Variants in POLI observed in about 807,000 individuals in gnomAD.
The protein encoded by POLI is DNA polymerase iota.
Under a neutral mutation model 51.6 loss-of-function variants are expected in POLI, and 58 were observed. That is an observed-to-expected ratio of 1.12 (90% CI 0.91 to 1.40). The LOEUF is 1.40. POLI is among the 40% of genes most tolerant of loss of function. The pLI, the probability that POLI is intolerant of heterozygous loss-of-function variation, is 0.00. For missense variants in POLI, 921 were observed against 871.3 expected (o/e 1.06, Z -0.72); for synonymous variants, 322 against 299.7 (o/e 1.07, Z -0.77).
In POLI at chr18:54,294,278, G is replaced by A. The variant is rs1178215492; in HGVS notation, c.2034G>A (p.Lys678=). The change falls in exon 10 of 10, where the codon AAG becomes AAA. Residue 678 remains lysine, a synonymous_variant. Coordinates refer to ENST00000579534, the MANE Select transcript of POLI (RefSeq NM_007195.3). ...GAAACCACACTACAGATAGCCATAAGCAAACAGTAGCAACAGACTCTCATG... is the reference window on the plus strand; with the variant it reads ...GAAACCACACTACAGATAGCCATAAACAAACAGTAGCAACAGACTCTCATG... ...FSRNHTTDSH[K]QTVATDSHEG... 2.5e-6 allele frequency: 4 copies of A among 1,613,512 alleles called. No individual in the cohort carries two copies. In the Admixed American group the frequency reaches 6.7e-5, roughly 27 times the overall value.
Position 54,297,591 on chromosome 18 carries a change from T to G in POLI, c.*3124T>G. On this transcript the variant is annotated 3_prime_UTR_variant, in exon 10 of 10. Coordinates refer to ENST00000579534, the MANE Select transcript of POLI (RefSeq NM_007195.3). ...ATATATTTCTTTTTCTATGTTGTGC[T>G]TCTTTCCCACCTTTATCTCTCCTCC... 1 of 979,802 alleles carries G rather than the reference T, an allele frequency of 1.0e-6. No individual in the cohort carries two copies. Among genetic ancestry groups the G allele is most frequent in the Non-Finnish European group, 1.2e-6 (1 of 825,138 alleles). The allele number at this position is 979,802 out of a possible 1,614,324, so 60.7% of individuals were successfully genotyped here. A position where few individuals can be genotyped will look rare whatever the true frequency, so the allele number is the denominator to read the frequency against.
At chr18:54,278,792 A>G (rs563907275) in intron 4 of POLI, among the ~76,000 whole-genome samples, 13 of 152,316 alleles carry the variant, frequency 8.5e-5, no homozygotes, top group African/African-American at 2.6e-4. Flanking sequence ...TGACTCCCCT[A>G]TCATACCACA....
chr18:54,275,618 C>G (rs940003311), intron 3 of POLI, among the ~76,000 whole-genome samples: 1 of 152,214 alleles, frequency 6.6e-6, no homozygotes, highest in African/African-American at 2.4e-5. Flanking sequence ...TGCCTCCTCT[C>G]ATATTCATCA....
At position 54,269,586 on chromosome 18, in the gene POLI, G is replaced by T. The variant is rs998158002; in HGVS notation, c.40G>T (p.Gly14Cys). The change falls in exon 1 of 10, where the codon GGC becomes TGC. Residue 14 changes from glycine to cysteine, a missense_variant. Transcript: ENST00000579534. ...GGTGGAGCCGGAGGAGGAAGGCGGCGGCGACGACGACGAGGAAGACGCCGA... is the reference window on the plus strand; with the variant it reads ...GGTGGAGCCGGAGGAGGAAGGCGGCTGCGACGACGACGAGGAAGACGCCGA... The part of the protein sequence containing the change: ...LGVEPEEEGG[G>C]DDDEEDAEAW... 1 of 1,415,778 alleles carries T rather than the reference G, an allele frequency of 7.1e-7. No individual in the cohort carries two copies. The highest frequency in any genetic ancestry group is 3.1e-5 in the African/African-American group (1 of 32,744). The allele number at this position is 1,415,778 out of a possible 1,614,324, so 87.7% of individuals were successfully genotyped here. A position where few individuals can be genotyped will look rare whatever the true frequency, so the allele number is the denominator to read the frequency against.
chr18:54,284,568 A>C (rs2087662594), intron 7 of POLI: 1 of 152,260 alleles, frequency 6.6e-6, no homozygotes, highest in South Asian at 2.1e-4. Context: ...TGATACAGGA[A>C]CAACTATATA....
At chr18:54,307,691 G>C (rs555216417) in intron 3 of POLI, among the ~76,000 whole-genome samples, 1 of 152,152 alleles carries the variant, frequency 6.6e-6, no homozygotes, top group African/African-American at 2.4e-5. Context: ...GGGTGTTAAA[G>C]TCTCCCATTA....
At chr18:54,308,240 T>C (rs2144641208) in intron 3 of POLI, among the ~76,000 whole-genome samples, 2 of 152,356 alleles carry the variant, frequency 1.3e-5, no homozygotes, top group South Asian at 4.1e-4. Context: ...TTTCCATGTT[T>C]AGTGCTTCCT....
chr18:54,313,233 A>G (rs1036572710), intron 3 of POLI, among the ~76,000 whole-genome samples: 16 of 152,124 alleles, frequency 1.1e-4, no homozygotes, highest in African/African-American at 3.9e-4. Flanking sequence ...TACATTTATC[A>G]ACTTTGACAA....
chr18:54,296,410 CTT>C lies in POLI; in HGVS notation c.*1948_*1949del. ...CTCAGAATCAACTTTTTTATGGGAT[CTT>C]TTTTCTCTGTTTTTAAGATTATCTC... On this transcript the variant is annotated 3_prime_UTR_variant, in exon 10 of 10. Transcript: ENST00000579534. The C allele has an allele frequency of 1.0e-6, 1 of 962,024 alleles. No individual in the cohort carries two copies. Among genetic ancestry groups the C allele is most frequent in the Non-Finnish European group, 1.2e-6 (1 of 808,658 alleles). The allele number at this position is 962,024 out of a possible 1,614,324, so 59.6% of individuals were successfully genotyped here. A position where few individuals can be genotyped will look rare whatever the true frequency, so the allele number is the denominator to read the frequency against.
intron 3 of POLI, among the ~76,000 whole-genome samples, chr18:54,310,112 C>G (rs2088651214): frequency 6.6e-6 from 1 of 152,206 alleles, no homozygotes; most frequent in Non-Finnish European, 1.5e-5. Context: ...CAACCAGTCC[C>G]AGTGAGATGA....
At position 54,316,973 on chromosome 18, in the gene POLI, T is replaced by G. The variant is rs187095800; in HGVS notation, c.334-3300T>G. ...GAATTACTAAATTGGAGAGTAGAAC[T>G]GTTTCATCTCCAGCTTTTGGTTATA... On this transcript the variant is annotated intron_variant, in intron 3 of 4. Coordinates refer to the POLI transcript ENST00000579823. Among the ~76,000 whole-genome samples the G allele has an allele frequency of 1.3e-3, 205 of 152,230 alleles. 1 individual carries two copies. Among genetic ancestry groups the G allele is most frequent in the African/African-American group, 4.7e-3 (194 of 41,586 alleles).
At position 54,292,005 on chromosome 18, in the gene POLI, A is replaced by G; in HGVS notation, c.1371A>G (p.Leu457=). The G allele has an allele frequency of 1.9e-6, 3 of 1,609,318 alleles. No individual in the cohort carries two copies. In the South Asian group the frequency reaches 3.3e-5, roughly 18 times the overall value. ...TTGATTATTATTTAATGCCATCATT[A>G]TCAACTACTTCACGCTCTGGCAAGC... ...GLIDYYLMPS[L]STTSRSGKHS... is the part of the protein sequence containing the mutation. The change falls in exon 9 of 10, where the codon TTA becomes TTG. Residue 457 remains leucine (L), a synonymous_variant. Coordinates refer to ENST00000579534, the MANE Select transcript of POLI (RefSeq NM_007195.3).
At position 54,289,629 on chromosome 18, in the gene POLI, G is replaced by GA. The variant is rs201316782; in HGVS notation, c.1199-2203dup. Among the ~76,000 whole-genome samples the GA allele has an allele frequency of 6.6e-3, 913 of 137,486 alleles. 33 individuals carry two copies. Among genetic ancestry groups the GA allele is most frequent in the African/African-American group, 0.021 (774 of 37,338 alleles). The allele number at this position is 137,486 out of a possible 152,430, so 90.2% of individuals were successfully genotyped here. ...AGCATGGTACTGGCAGAAAAACAGA[G>GA]ATACAGAACAATGGAACAGAACAGA... On this transcript the variant is annotated intron_variant, in intron 8 of 9. Coordinates refer to ENST00000579534, the MANE Select transcript of POLI (RefSeq NM_007195.3).
At chr18:54,273,588 A>G (rs2087105312) in intron 2 of POLI, among the ~76,000 whole-genome samples, 1 of 152,066 alleles carries the variant, frequency 6.6e-6, no homozygotes, top group South Asian at 2.1e-4. Context: ...TAATTGATCT[A>G]TCGTCTAACT....
intron 3 of POLI, among the ~76,000 whole-genome samples, chr18:54,304,605 G>T (rs1243311266): frequency 6.6e-6 from 1 of 152,138 alleles, no homozygotes; most frequent in South Asian, 2.1e-4. Flanking sequence ...TTTTGATGGG[G>T]TTGTTTGCTT....
chr18:54,296,487 T>C lies in POLI; in HGVS notation c.*2020T>C, dbSNP rs2088335734. On this transcript the variant is annotated 3_prime_UTR_variant, in exon 10 of 10. Transcript: ENST00000579534. The stretch of plus-strand genomic sequence containing the variant: ...TTACTGTATTATTTGGAAGTGCGAA[T>C]TTATTTTTATTCTTAGTATATACTG... 2.2e-6 allele frequency: 1 copy of C among 448,596 alleles called. No individual in the cohort carries two copies. Among genetic ancestry groups the C allele is most frequent in the Non-Finnish European group, 2.9e-6 (1 of 339,504 alleles). 27.8% of individuals were successfully genotyped at this position (448,596 alleles called of 1,614,324 possible).
downstream of POLI, among the ~76,000 whole-genome samples, chr18:54,299,798 C>T (rs759942415): frequency 1.4e-4 from 22 of 152,186 alleles, no homozygotes; most frequent in Admixed American, 1.2e-3. Flanking sequence ...GTACAATAAA[C>T]GTGAAGAAAA....
intron 9 of POLI, 43 bp downstream of exon 9, chr18:54,292,081 A>G: frequency 8.7e-7 from 1 of 1,147,896 alleles, no homozygotes; most frequent in Non-Finnish European, 1.3e-6. Context: ...GTATACTCTT[A>G]TGGGATTTGT....
rs769186379 is a variant in POLI, at chr18:54,293,851, C to T, written c.1607C>T (p.Pro536Leu). The change falls in exon 10 of 10, where the codon CCA becomes CTA. Residue 536 changes from proline to leucine, a missense_variant. Pro to Leu is a moderately conservative substitution (Grantham distance 98). Transcript: ENST00000579534. ...GACCAAGAAGTCTTCAAGCAGCTTC[C>T]AGTAGATATTCAAGAAGAAATCCTT... ...GVDQEVFKQL[P>L]VDIQEEILSG... The T allele has an allele frequency of 9.9e-6, 16 of 1,610,602 alleles. No homozygotes were observed. In the Admixed American group the frequency reaches 1.7e-4, roughly 17 times the overall value.
Sources: allele counts gnomAD v4.1 joint callset (sites outside exome capture counted in the v4.1 genomes callset), GRCh38; gene constraint gnomAD v4.1.1; transcripts MANE v1.5; gene names NCBI Gene and HGNC (gene_info 2026-07-23, HGNC 2026-07-21).